Variants in NUP188 observed in about 807,000 individuals in gnomAD.
NUP188 encodes nucleoporin NUP188.
NUP188 carries 97 observed loss-of-function variants against 223.0 expected under a neutral mutation model. That is an observed-to-expected ratio of 0.43 (90% CI 0.37 to 0.51). The LOEUF (loss-of-function observed/expected upper bound fraction) is 0.51. Among genes scored for constraint, NUP188 ranks in the 20% least tolerant of loss-of-function variants. The pLI, the probability that NUP188 is intolerant of heterozygous loss-of-function variation, is 0.00. For missense variants in NUP188, 1,947 were observed against 2,175.6 expected (o/e 0.89, Z 2.09); for synonymous variants, 869 against 828.0 (o/e 1.05, Z -0.85).
rs1842561855 is a variant in NUP188 at position 128,998,083 on chromosome 9, C to A, written c.3352-68C>A. ...AATGACTAATTGCCTAGCAGAGGAC[C>A]CCATGTTTCTTGGCCTCTAAAATCT... On this transcript the variant is annotated intron_variant, in intron 30 of 43. Transcript: ENST00000372577. The A allele has an allele frequency of 2.9e-6, 3 of 1,046,690 alleles. No homozygotes were observed. The South Asian group carries it at 3.8e-5, about 13-fold the overall frequency. 64.8% of individuals were successfully genotyped at this position (1,046,690 alleles called of 1,614,324 possible).
intron 8 of NUP188, among the ~76,000 whole-genome samples, chr9:128,964,472 C>T (rs1841999791): frequency 6.6e-6 from 1 of 151,606 alleles, no homozygotes; most frequent in Admixed American, 6.6e-5. Flanking sequence ...AGTGACCCTC[C>T]TGTCACAGCC....
At chr9:128,952,958 T>G in intron 3 of NUP188, 112 bp downstream of exon 3, 2 of 841,898 alleles carry the variant, frequency 2.4e-6, no homozygotes, top group Admixed American at 5.0e-5. Context: ...ATACCAGAGA[T>G]AATACAATTT....
intron 10 of NUP188, among the ~76,000 whole-genome samples, chr9:128,970,300 A>C (rs1404455155): frequency 6.6e-6 from 1 of 152,168 alleles, no homozygotes. Flanking sequence ...CAAGGTGATA[A>C]TTGAGTCTGT....
chr9:128,998,319 C>A, intron 31 of NUP188, 91 bp downstream of exon 31: 2 of 1,239,252 alleles, frequency 1.6e-6, no homozygotes, highest in Non-Finnish European at 2.4e-6. Flanking sequence ...GCCAGCCGCA[C>A]AAATAGTCAG....
At chr9:128,964,400 C>A in intron 8 of NUP188, 1 of 221,154 alleles carries the variant, frequency 4.5e-6, no homozygotes, top group Non-Finnish European at 9.0e-6. Flanking sequence ...CTCGGTTTGT[C>A]ACTCAGACTG....
chr9:128,978,803 G>C (rs1040502939), intron 12 of NUP188, among the ~76,000 whole-genome samples: 2 of 151,966 alleles, frequency 1.3e-5, no homozygotes, highest in South Asian at 4.2e-4. Flanking sequence ...TCCATTGCCT[G>C]GGTTCAAGTG....
In NUP188 at chr9:128,983,002, A is replaced by G. The variant is rs1842278588; in HGVS notation, c.1770A>G (p.Thr590=). The change falls in exon 17 of 44, where the codon ACA becomes ACG. Residue 590 remains threonine (T), a synonymous_variant. Transcript: ENST00000372577. Reference sequence around the variant, plus strand: ...TAGCAGACTGTCTCCTGCCCATCACATCTCGCATCTACATGCTGCTGCAGC... The same window carrying G: ...TAGCAGACTGTCTCCTGCCCATCACGTCTCGCATCTACATGCTGCTGCAGC... The part of the protein sequence containing the change: ...LSIADCLLPI[T]SRIYMLLQRL... The G allele has an allele frequency of 1.2e-6, 2 of 1,614,010 alleles. No individual in the cohort carries two copies. Among genetic ancestry groups the G allele is most frequent in the Non-Finnish European group, 1.7e-6 (2 of 1,180,044 alleles).
At position 128,997,138 on chromosome 9, in the gene NUP188, G is replaced by A. The variant is rs144148881; in HGVS notation, c.3352-1013G>A. ...AGTGGTGATGTCCCAGCTGAGAGCT[G>A]AATGTGTGAAGAAGCCTTCCAGGTG... On this transcript the variant is annotated intron_variant, in intron 30 of 43. Transcript: ENST00000372577. Among the ~76,000 whole-genome samples the A allele has an allele frequency of 2.6e-5, 4 of 152,352 alleles. No homozygotes were observed. In the East Asian group the frequency reaches 7.7e-4, roughly 29 times the overall value.
At chr9:128,987,781 C>G in intron 23 of NUP188, 64 bp downstream of exon 23, 1 of 1,571,950 alleles carries the variant, frequency 6.4e-7, no homozygotes, top group South Asian at 1.2e-5. Flanking sequence ...ACTAATAACT[C>G]CAGTTTAAGT....
intron 8 of NUP188, among the ~76,000 whole-genome samples, chr9:128,963,580 T>C (rs1286612579): frequency 1.3e-5 from 2 of 152,086 alleles, no homozygotes; most frequent in Admixed American, 1.3e-4. Context: ...CCACCAGAAA[T>C]GTATGAGAAT....
chr9:129,002,090 A>G (rs1008401135), intron 36 of NUP188, 114 bp downstream of exon 36: 5 of 792,578 alleles, frequency 6.3e-6, no homozygotes, highest in South Asian at 6.1e-5. Flanking sequence ...TGCCTAATAC[A>G]CTGATGGTGA....
In NUP188 at chr9:128,970,789, A is replaced by G. The variant is rs1414465306; in HGVS notation, c.944A>G (p.Asp315Gly). 1 of 1,614,142 alleles carries G rather than the reference A, an allele frequency of 6.2e-7. No homozygotes were observed. Among genetic ancestry groups the G allele is most frequent in the South Asian group, 1.1e-5 (1 of 91,074 alleles). Reference protein sequence around the residue: ...DMDCLMLTFGDIPHHAPVLLA... With the variant: ...DMDCLMLTFGGIPHHAPVLLA... ...GACTGTTTAATGTTGACCTTTGGGGACATTCCACATCATGCCCCAGTGCTT... is the reference window on the plus strand; with the variant it reads ...GACTGTTTAATGTTGACCTTTGGGGGCATTCCACATCATGCCCCAGTGCTT... The change falls in exon 11 of 44, where the codon GAC becomes GGC. Residue 315 changes from aspartate (D) to glycine (G), a missense_variant. Asp to Gly is a moderately conservative substitution (Grantham distance 94, BLOSUM62 -1). Transcript: ENST00000372577.
rs1451245670 is a variant in NUP188 at position 128,995,439 on chromosome 9, C to G, written c.3276C>G (p.Ser1092Arg). 1 of 1,613,768 alleles carries G rather than the reference C, an allele frequency of 6.2e-7. No homozygotes were observed. Among genetic ancestry groups the G allele is most frequent in the South Asian group, 1.1e-5 (1 of 91,034 alleles). The part of the protein sequence containing the change: ...LAVHVAETEG[S>R]SCTSLLEYQM... The stretch of plus-strand genomic sequence containing the variant: ...TTCACGTGGCCGAAACAGAAGGCAG[C>G]AGCTGCACCTCCTTGTTAGAGTACC... Residue 1092 changes from serine (S) to arginine (R), a missense_variant, in exon 30 of 44, where the codon AGC (serine) becomes AGG (arginine). Coordinates refer to ENST00000372577, the MANE Select transcript of NUP188 (RefSeq NM_015354.3).
Position 128,954,383 on chromosome 9 carries a change from C to CT in NUP188, c.161+1556dup, listed in dbSNP as rs1178796338. On this transcript the variant is annotated intron_variant, in intron 3 of 43. Transcript: ENST00000372577. ...GCGCCCGCTGTGACAATGTCTTAGT[C>CT]TTTTTTTTTTTTTTTTTTTGAGATG... Among the ~76,000 whole-genome samples the CT allele has an allele frequency of 7.1e-5, 6 of 84,066 alleles. 1 individual carries two copies. The highest frequency in any genetic ancestry group is 2.6e-4 in the African/African-American group (5 of 19,338). 55.2% of individuals were successfully genotyped at this position (84,066 alleles called of 152,430 possible). A position where few individuals can be genotyped will look rare whatever the true frequency, so the allele number is the denominator to read the frequency against.
At chr9:128,994,548 C>A (rs1408405543) in intron 28 of NUP188, 106 bp downstream of exon 28, 6 of 792,494 alleles carry the variant, frequency 7.6e-6, no homozygotes, top group Non-Finnish European at 1.3e-5. Context: ...AATTAAACAA[C>A]AGAATGTTCC....
intron 15 of NUP188, among the ~76,000 whole-genome samples, chr9:128,981,859 C>T (rs759074263): frequency 3.3e-5 from 5 of 152,132 alleles, no homozygotes; most frequent in African/African-American, 4.8e-5. Context: ...GGGCGGATCA[C>T]GTGAGGTCGG....
intron 11 of NUP188, among the ~76,000 whole-genome samples, chr9:128,972,659 G>A (rs1842119480): frequency 6.6e-6 from 1 of 152,274 alleles, no homozygotes; most frequent in East Asian, 1.9e-4. Context: ...GTACTGTTTT[G>A]GTGGGATGCT....
Position 129,001,542 on chromosome 9 carries a change from G to C in NUP188, c.3857G>C (p.Gly1286Ala). The change falls in exon 35 of 44, where the codon GGC (glycine) becomes GCC (alanine). Residue 1286 changes from glycine (G) to alanine (A), a missense_variant. Gly to Ala is a moderately conservative substitution (Grantham distance 60). Around this residue, in one of 3 missense-constraint regions of NUP188, gnomAD observed 905 missense variants for 990.6 expected, o/e 0.91. Transcript: ENST00000372577. ...GCCTCTGGGCAGGTGTGTGTCCTGG[G>C]CCTGCACCTGGCCAAGGAGCTGTGT... is the stretch of plus-strand genomic sequence containing the variant. ...RDQRDGVCVL[G>A]LHLAKELCEV... The C allele has an allele frequency of 6.2e-7, 1 of 1,613,684 alleles. No individual in the cohort carries two copies. Among genetic ancestry groups the C allele is most frequent in the Non-Finnish European group, 8.5e-7 (1 of 1,179,926 alleles).
At chr9:128,951,034 A>G (rs1169931812) in intron 2 of NUP188, among the ~76,000 whole-genome samples, 3 of 151,826 alleles carry the variant, frequency 2.0e-5, no homozygotes, top group East Asian at 1.9e-4. Flanking sequence ...ATTCTTGGCC[A>G]GGCATGGTGG....
Sources: allele counts gnomAD v4.1 joint callset (sites outside exome capture counted in the v4.1 genomes callset), GRCh38; gene constraint gnomAD v4.1.1; regional missense constraint gnomAD v4.1.1; transcripts MANE v1.5; gene names NCBI Gene and HGNC (gene_info 2026-07-23, HGNC 2026-07-21).